Variants in RIPOR2 observed in about 807,000 individuals in gnomAD.
The protein encoded by RIPOR2 is rho family-interacting cell polarization regulator 2.
Under a neutral mutation model 114.5 loss-of-function variants are expected in RIPOR2, and 39 were observed. The ratio of observed to expected loss-of-function variants is 0.34; its 90% CI spans 0.26 to 0.44. The LOEUF is 0.44. RIPOR2 is among the 20% of genes least tolerant of loss of function. The pLI is 1.00. For synonymous variants in RIPOR2, 445 were observed against 484.4 expected (o/e 0.92, Z 1.07); for missense variants, 1,007 against 1,255.1 (o/e 0.80, Z 2.99).
At chr6:24,919,478 C>T (rs546448288) in intron 1 of RIPOR2, among the ~76,000 whole-genome samples, 4 of 152,156 alleles carry the variant, frequency 2.6e-5, no homozygotes, top group African/African-American at 7.2e-5. Context: ...TATGGAATCC[C>T]GGCTATGTTT....
chr6:24,896,314 G>A lies in RIPOR2; in HGVS notation c.62-20497C>T, dbSNP rs768889672. On this transcript the variant is annotated intron_variant, in intron 1 of 21. Transcript: ENST00000643898. ...ATAGGTCGCTATGAAAATTATATAGGTCAATTAATGGAAAGTGCTTAAACA... is the reference window on the plus strand; with the variant it reads ...ATAGGTCGCTATGAAAATTATATAGATCAATTAATGGAAAGTGCTTAAACA... Among the ~76,000 whole-genome samples the A allele has an allele frequency of 9.8e-5, 15 of 152,288 alleles. 1 individual carries two copies. The highest frequency in any genetic ancestry group is 3.4e-3 in the Middle Eastern group (1 of 294).
chr6:24,825,206 G>C lies in RIPOR2; in HGVS notation c.2868+20C>G. ...AATTAAACCAGCTTCTGGCTTGATG[G>C]CCATGGTTTAGTGTCTTACCTTTTC... is the stretch of plus-strand genomic sequence containing the variant. On this transcript the variant is annotated intron_variant, in intron 19 of 21. Transcript: ENST00000643898. 6.6e-7 allele frequency: 1 copy of C among 1,525,802 alleles called. No individual in the cohort carries two copies. The highest frequency in any genetic ancestry group is 1.2e-5 in the South Asian group (1 of 83,114). 94.5% of individuals were successfully genotyped at this position (1,525,802 alleles called of 1,614,324 possible).
intron 1 of RIPOR2, among the ~76,000 whole-genome samples, chr6:25,003,709 A>C (rs1187728787): frequency 6.6e-6 from 1 of 152,038 alleles, no homozygotes; most frequent in Non-Finnish European, 1.5e-5. Flanking sequence ...GGCATTACAA[A>C]CATGAGCCAC....
intron 1 of RIPOR2, among the ~76,000 whole-genome samples, chr6:24,884,528 G>A (rs1766636670): frequency 6.6e-6 from 1 of 152,198 alleles, no homozygotes; most frequent in East Asian, 1.9e-4. Context: ...TACACTGCTT[G>A]ACTAAGACAA....
chr6:24,979,913 G>T (rs1027575379), intron 1 of RIPOR2, among the ~76,000 whole-genome samples: 9 of 152,194 alleles, frequency 5.9e-5, no homozygotes, highest in Admixed American at 3.3e-4. Context: ...AGTTATGTAA[G>T]TAAAGCATCA....
intron 13 of RIPOR2, among the ~76,000 whole-genome samples, chr6:24,841,423 C>T (rs1490724551): frequency 6.6e-6 from 1 of 151,880 alleles, no homozygotes; most frequent in Non-Finnish European, 1.5e-5. Flanking sequence ...GAGGCTATGC[C>T]ATCAACTGAA....
rs1290535547 is a variant in RIPOR2, at chr6:24,804,483, T to A, written c.*1890A>T. Reference sequence around the variant, plus strand: ...AAACCAAACACAAAATCCTGTAACATCTGTGTTTGACTTTCTATAAAAAGA... The same window carrying A: ...AAACCAAACACAAAATCCTGTAACAACTGTGTTTGACTTTCTATAAAAAGA... On this transcript the variant is annotated 3_prime_UTR_variant, in exon 22 of 22. Transcript: ENST00000643898. The A allele has an allele frequency of 1.3e-5, 2 of 152,082 alleles. No homozygotes were observed. The highest frequency in any genetic ancestry group is 4.8e-5 in the African/African-American group (2 of 41,426). 9.4% of individuals were successfully genotyped at this position (152,082 alleles called of 1,614,324 possible). A position where few individuals can be genotyped will look rare whatever the true frequency, so the allele number is the denominator to read the frequency against.
At chr6:24,840,708 T>C in intron 13 of RIPOR2, 2 of 1,535,340 alleles carry the variant, frequency 1.3e-6, no homozygotes, top group Non-Finnish European at 1.7e-6. Context: ...GTTGTCTCAT[T>C]CACCCTCAGT....
At chr6:24,887,295 G>A (rs112894640) in intron 1 of RIPOR2, among the ~76,000 whole-genome samples, 5,569 of 151,356 alleles carry the variant, frequency 0.037, 248 homozygotes, top group African/African-American at 0.11. Flanking sequence ...TCTGATGCTC[G>A]GTACAGGGTA....
intron 1 of RIPOR2, among the ~76,000 whole-genome samples, chr6:24,907,021 T>G (rs545428276): frequency 1.1e-4 from 16 of 152,334 alleles, no homozygotes; most frequent in Non-Finnish European, 2.1e-4. Context: ...CATGCTTAAG[T>G]TGAAACAAAA....
intron 1 of RIPOR2, chr6:25,024,152 C>T (rs538401833): frequency 9.1e-6 from 10 of 1,103,578 alleles, no homozygotes; most frequent in Non-Finnish European, 1.1e-5. Context: ...CGCGGGACAC[C>T]CCCTCCTGCT....
chr6:24,982,378 A>T (rs1774332750), intron 1 of RIPOR2, among the ~76,000 whole-genome samples: 1 of 152,222 alleles, frequency 6.6e-6, no homozygotes, highest in Non-Finnish European at 1.5e-5. Flanking sequence ...GTGTGACTGA[A>T]TGTGAATGAA....
intron 1 of RIPOR2, among the ~76,000 whole-genome samples, chr6:25,032,623 C>T (rs1777047672): frequency 6.6e-6 from 1 of 152,168 alleles, no homozygotes; most frequent in Non-Finnish European, 1.5e-5. Flanking sequence ...AGCCCAGTTT[C>T]CAGCTGGAAA....
At chr6:24,833,709 C>T (rs1366100186) in intron 15 of RIPOR2, among the ~76,000 whole-genome samples, 2 of 152,062 alleles carry the variant, frequency 1.3e-5, no homozygotes, top group Non-Finnish European at 2.9e-5. Context: ...CATGAATCAA[C>T]GCAAGCCAGA....
chr6:24,981,941 C>A (rs1384796845), intron 1 of RIPOR2, among the ~76,000 whole-genome samples: 1 of 152,210 alleles, frequency 6.6e-6, no homozygotes, highest in Non-Finnish European at 1.5e-5. Flanking sequence ...CTCACCTTGT[C>A]CCTTGGCACT....
intron 1 of RIPOR2, among the ~76,000 whole-genome samples, chr6:25,039,734 C>T (rs541976936): frequency 6.6e-6 from 1 of 152,222 alleles, no homozygotes; most frequent in African/African-American, 2.4e-5. Context: ...TGGATTAAAA[C>T]TTAGGATCAC....
Position 24,919,403 on chromosome 6 carries a change from G to C in RIPOR2, c.61+16435C>G, listed in dbSNP as rs78770933. 2.4e-4 allele frequency among the ~76,000 whole-genome samples: 37 copies of C among 152,306 alleles called. No homozygotes were observed. The East Asian group carries it at 6.4e-3, about 26-fold the overall frequency. The stretch of plus-strand genomic sequence containing the variant: ...CACAGCAATGGTAACAAATCCAAGA[G>C]CTTTGGTTTAAGCAAATCTCCAAAG... On this transcript the variant is annotated intron_variant, in intron 1 of 21. Transcript: ENST00000643898.
intron 1 of RIPOR2, among the ~76,000 whole-genome samples, chr6:25,032,440 A>G (rs1316528588): frequency 6.6e-6 from 1 of 152,168 alleles, no homozygotes; most frequent in Non-Finnish European, 1.5e-5. Context: ...CTGGTGCCTC[A>G]GAAACCAGGC....
intron 1 of RIPOR2, among the ~76,000 whole-genome samples, chr6:25,004,376 C>T (rs1775452636): frequency 1.3e-5 from 2 of 152,216 alleles, no homozygotes; most frequent in African/African-American, 4.8e-5. Flanking sequence ...ACCTCATAAT[C>T]CCTACTGCTT....
Sources: gnomAD v4.1 joint callset for allele counts (sites outside exome capture counted in the v4.1 genomes callset) on GRCh38, gnomAD v4.1.1 for gene constraint, MANE v1.5 for transcripts, NCBI Gene and HGNC (gene_info 2026-07-23, HGNC 2026-07-21) for gene names.